CEP120: variants seen among roughly 807,000 people sequenced by gnomAD.
CEP120 encodes centrosomal protein 120, also known as centrosomal protein of 120 kDa.
A neutral mutation model predicts 126.5 loss-of-function variants in CEP120; 113 were observed. The ratio of observed to expected loss-of-function variants is 0.89; its 90% CI spans 0.77 to 1.04. CEP120 has a LOEUF of 1.04. CEP120 is among the 50% of genes least tolerant of loss of function. CEP120 has a pLI of 0.00. For missense variants in CEP120, 1,230 were observed against 1,155.7 expected (o/e 1.06, Z -0.93); for synonymous variants, 400 against 394.3 (o/e 1.01, Z -0.17).
chr5:123,414,103 AG>A (rs1323433532), intron 3 of CEP120, among the ~76,000 whole-genome samples: 1 of 152,224 alleles, frequency 6.6e-6, no homozygotes, highest in Non-Finnish European at 1.5e-5. Flanking sequence ...CTCAAGGACA[AG>A]GGGACAAAGA....
intron 1 of CEP120, among the ~76,000 whole-genome samples, chr5:123,420,035 T>A (rs558273476): frequency 1.1e-4 from 16 of 152,158 alleles, no homozygotes; most frequent in Non-Finnish European, 1.9e-4. Context: ...AATTAAGCTG[T>A]TAAAAAGACC....
intron 19 of CEP120, among the ~76,000 whole-genome samples, chr5:123,349,221 C>T (rs1323026954): frequency 6.6e-6 from 1 of 152,112 alleles, no homozygotes; most frequent in Non-Finnish European, 1.5e-5. Context: ...GGAATCGGAT[C>T]TGAACTCTGG....
Position 123,391,192 on chromosome 5 carries a change from T to C in CEP120, c.956A>G (p.Gln319Arg). The C allele has an allele frequency of 1.2e-6, 2 of 1,614,166 alleles. No homozygotes were observed. The highest frequency in any genetic ancestry group is 1.1e-5 in the South Asian group (1 of 91,084). Residue 319 changes from glutamine to arginine, a missense_variant, in exon 7 of 20, where the codon CAG becomes CGG. By Grantham distance (43) the Gln-to-Arg change is conservative. Coordinates refer to ENST00000306467, the MANE Select transcript of CEP120 (RefSeq NM_001375405.1). ...CTCCACAGGAATAGGTGCAAGCTTC[T>C]GTTTGGCTCTGTTTGGAGGGTCAAG... ...FTLDPPNRAK[Q>R]KLAPIPVELA...
chr5:123,389,844 A>G, intron 8 of CEP120, 80 bp downstream of exon 8: 1 of 1,282,790 alleles, frequency 7.8e-7, no homozygotes, highest in Non-Finnish European at 1.1e-6. Flanking sequence ...ATAACTCATG[A>G]AAGTTCTCAT....
intron 19 of CEP120, among the ~76,000 whole-genome samples, chr5:123,348,785 A>G (rs1276969696): frequency 6.6e-6 from 1 of 152,114 alleles, no homozygotes; most frequent in Non-Finnish European, 1.5e-5. Context: ...TCAGGTTTAG[A>G]TGAGGTCATG....
chr5:123,359,846 T>A (rs1769940207), intron 18 of CEP120, among the ~76,000 whole-genome samples: 1 of 152,026 alleles, frequency 6.6e-6, no homozygotes, highest in African/African-American at 2.4e-5. Flanking sequence ...CTATCCTGGG[T>A]CACCTTTGAG....
intron 1 of CEP120, among the ~76,000 whole-genome samples, chr5:123,420,877 A>C (rs916054133): frequency 5.3e-5 from 8 of 152,234 alleles, no homozygotes; most frequent in Non-Finnish European, 1.2e-4. Flanking sequence ...TTTGGAAGTT[A>C]GAAATGGAGA....
intron 17 of CEP120, among the ~76,000 whole-genome samples, chr5:123,368,897 A>T (rs187161464): frequency 6.6e-6 from 1 of 151,988 alleles, no homozygotes; most frequent in Non-Finnish European, 1.5e-5. Context: ...ATAGTAAAAC[A>T]ATGTTACTCT....
At chr5:123,368,733 A>C (rs1770646750) in intron 17 of CEP120, among the ~76,000 whole-genome samples, 2 of 151,930 alleles carry the variant, frequency 1.3e-5, no homozygotes, top group African/African-American at 4.8e-5. Context: ...CATAATATCA[A>C]AAGATTATTT....
intron 10 of CEP120, among the ~76,000 whole-genome samples, chr5:123,385,489 G>A (rs1771957266): frequency 6.6e-6 from 1 of 152,076 alleles, no homozygotes; most frequent in Non-Finnish European, 1.5e-5. Context: ...ATTCCACCCA[G>A]CTTAGGTGCA....
chr5:123,382,707 G>C (rs1251822321), intron 13 of CEP120, 30 bp downstream of exon 13: 2 of 1,590,530 alleles, frequency 1.3e-6, no homozygotes, highest in South Asian at 2.3e-5. Flanking sequence ...AGACAAAGCA[G>C]ATTTTTTAAA....
chr5:123,412,326 C>T (rs1774110289), intron 4 of CEP120, 73 bp downstream of exon 4: 1 of 1,464,418 alleles, frequency 6.8e-7, no homozygotes, highest in Admixed American at 2.2e-5. Context: ...GTCCCTATAA[C>T]ACTCCCGCTT....
At chr5:123,382,538 G>C (rs1221774036) in intron 13 of CEP120, among the ~76,000 whole-genome samples, 199 bp downstream of exon 13, 2 of 152,086 alleles carry the variant, frequency 1.3e-5, no homozygotes, top group Non-Finnish European at 2.9e-5. Context: ...AAAGTTTACA[G>C]AATTCTGAGT....
intron 18 of CEP120, among the ~76,000 whole-genome samples, chr5:123,354,426 C>G (rs1427900646): frequency 6.6e-6 from 1 of 152,060 alleles, no homozygotes; most frequent in Non-Finnish European, 1.5e-5. Context: ...TTGTGTTGCC[C>G]AAATCTTCTA....
Position 123,422,931 on chromosome 5 carries a change from C to T in CEP120, c.49+19G>A, listed in dbSNP as rs1774813689. The T allele has an allele frequency of 1.9e-6, 3 of 1,612,900 alleles. No homozygotes were observed. Among genetic ancestry groups the T allele is most frequent in the Non-Finnish European group, 2.5e-6 (3 of 1,178,976 alleles). On this transcript the variant is annotated intron_variant, in intron 1 of 19. Transcript: ENST00000306467. ...ACTCGGGAGGCAGCAGTTGCAAAAG[C>T]AAGCCTCAGGCTGCTCACCTTCTAG...
At position 123,346,562 on chromosome 5, in the gene CEP120, C is replaced by A. The variant is rs531202237; in HGVS notation, c.2918G>T (p.Arg973Leu). The change falls in exon 20 of 20, where the codon CGA (arginine) becomes CTA (leucine). Residue 973 changes from arginine (R) to leucine (L), a missense_variant. Coordinates refer to ENST00000306467, the MANE Select transcript of CEP120 (RefSeq NM_001375405.1). ...HEDRIISELD[R>L]QIREILAKSN... is the part of the protein sequence containing the mutation. Reference sequence around the variant, plus strand: ...TTTTGCCAAAATCTCTCTGATCTGTCGGTCGAGTTCACTTATTATTCGATC... The same window carrying A: ...TTTTGCCAAAATCTCTCTGATCTGTAGGTCGAGTTCACTTATTATTCGATC... The A allele has an allele frequency of 6.2e-7, 1 of 1,613,402 alleles. No individual in the cohort carries two copies.
intron 5 of CEP120, among the ~76,000 whole-genome samples, chr5:123,393,817 T>C (rs973271502): frequency 2.0e-5 from 3 of 152,224 alleles, no homozygotes; most frequent in Non-Finnish European, 4.4e-5. Flanking sequence ...AAACTGAGCT[T>C]TCCTTATTTT....
At chr5:123,360,086 T>A (rs1769962428) in intron 18 of CEP120, among the ~76,000 whole-genome samples, 1 of 151,914 alleles carries the variant, frequency 6.6e-6, no homozygotes, top group South Asian at 2.1e-4. Flanking sequence ...CCAGAGGCAA[T>A]GTAAAATTAA....
rs533667231 is a variant in CEP120 at position 123,385,252 on chromosome 5, G to A, written c.1581-119C>T. 7.5e-5 allele frequency: 51 copies of A among 683,588 alleles called. No homozygotes were observed. In the East Asian group the frequency reaches 7.8e-4, roughly 10 times the overall value. 42.3% of individuals were successfully genotyped at this position (683,588 alleles called of 1,614,324 possible). A position where few individuals can be genotyped will look rare whatever the true frequency, so the allele number is the denominator to read the frequency against. ...GATGTTTTTTGTTACCTGGAATGTC[G>A]TCTAACACAATTGTTAGACTGAATG... is the stretch of plus-strand genomic sequence containing the variant. On this transcript the variant is annotated intron_variant, in intron 10 of 19. Transcript: ENST00000306467.
Sources: gnomAD v4.1 joint callset for allele counts (sites outside exome capture counted in the v4.1 genomes callset) on GRCh38, gnomAD v4.1.1 for gene constraint, MANE v1.5 for transcripts, NCBI Gene and HGNC (gene_info 2026-07-23, HGNC 2026-07-21) for gene names.